Variants in ZNF599 observed in about 807,000 individuals in gnomAD.
The protein encoded by ZNF599 is zinc finger protein 599.
ZNF599 carries 10 observed loss-of-function variants against 11.7 expected under a neutral mutation model. The ratio of observed to expected loss-of-function variants is 0.86; its 90% confidence interval spans 0.53 to 1.45. The LOEUF is 1.45. Ranked by LOEUF, ZNF599 falls within the 40% of genes most tolerant of loss-of-function variation. ZNF599 has a pLI of 0.00. For missense variants in ZNF599, 688 were observed against 713.6 expected (o/e 0.96, Z 0.41); for synonymous variants, 232 against 253.2 (o/e 0.92, Z 0.79).
At chr19:34,785,794 T>A in the ZNF599 span, among the ~76,000 whole-genome samples, 3 of 152,122 alleles carry the variant, frequency 2.0e-5, no homozygotes, top group Non-Finnish European at 4.4e-5. Flanking sequence ...GTGGGGGGTG[T>A]GCCCTTGTCA....
intron 3 of ZNF599, chr19:34,762,847 TA>T (rs1353418650): frequency 6.6e-6 from 1 of 152,232 alleles, no homozygotes; most frequent in Non-Finnish European, 1.5e-5. Flanking sequence ...TAAATGGCAT[TA>T]TAAAAAGATA....
the ZNF599 span, among the ~76,000 whole-genome samples, chr19:34,793,733 A>G: frequency 8.5e-4 from 129 of 152,338 alleles, no homozygotes; most frequent in African/African-American, 3.0e-3. Context: ...TTAGAGCTAC[A>G]GAGGGCAGGA....
the ZNF599 span, among the ~76,000 whole-genome samples, chr19:34,797,167 T>C: frequency 6.6e-6 from 1 of 152,190 alleles, no homozygotes. Context: ...GGCTGCATAG[T>C]ATTCCATGGT....
the ZNF599 span, among the ~76,000 whole-genome samples, chr19:34,800,586 G>GTTTTTTTTTTTTT: frequency 5.2e-4 from 59 of 112,988 alleles, no homozygotes; most frequent in Admixed American, 7.8e-4. Flanking sequence ...CATTTCCTTT[G>GTTTTTTTTTTTTT]TTTTTTTTTT....
At chr19:34,763,283 G>A (rs1267340614) in intron 3 of ZNF599, 1 of 152,100 alleles carries the variant, frequency 6.6e-6, no homozygotes, top group Non-Finnish European at 1.5e-5. Context: ...AAAAAACCAG[G>A]ACACGCATTG....
intron 1 of ZNF599, chr19:34,772,530 A>C (rs1334133482): frequency 1.5e-6 from 2 of 1,330,178 alleles, no homozygotes; most frequent in African/African-American, 3.1e-5. Flanking sequence ...CCACAGAGAA[A>C]ATTACTGAGA....
intron 1 of ZNF599, among the ~76,000 whole-genome samples, chr19:34,771,011 G>A (rs893766425): frequency 2.0e-5 from 3 of 152,172 alleles, no homozygotes; most frequent in Non-Finnish European, 4.4e-5. Context: ...TGGGCACGTC[G>A]GCTCATGCCA....
At chr19:34,783,246 G>A in the ZNF599 span, among the ~76,000 whole-genome samples, 2 of 152,238 alleles carry the variant, frequency 1.3e-5, no homozygotes, top group Non-Finnish European at 2.9e-5. Flanking sequence ...GCCACGCCAT[G>A]CAGGGCTACA....
At position 34,758,835 on chromosome 19, in the gene ZNF599, C is replaced by G; in HGVS notation, c.*199G>C. On this transcript the variant is annotated 3_prime_UTR_variant, in exon 4 of 4. Transcript: ENST00000329285. Reference sequence around the variant, plus strand: ...AACTGGGTGAATCTTTAATATAATTCTTTGGATGACAAGTGATTACCTGCC... The same window carrying G: ...AACTGGGTGAATCTTTAATATAATTGTTTGGATGACAAGTGATTACCTGCC... The G allele has an allele frequency of 1.7e-6, 1 of 581,052 alleles. No individual in the cohort carries two copies. Among genetic ancestry groups the G allele is most frequent in the Non-Finnish European group, 3.0e-6 (1 of 335,992 alleles). 36.0% of individuals were successfully genotyped at this position (581,052 alleles called of 1,614,324 possible).
the ZNF599 span, among the ~76,000 whole-genome samples, chr19:34,794,717 T>A: frequency 6.6e-6 from 1 of 151,948 alleles, no homozygotes; most frequent in Non-Finnish European, 1.5e-5. Context: ...ATTACAAGCA[T>A]GCATCACTAT....
the ZNF599 span, among the ~76,000 whole-genome samples, chr19:34,781,204 AAAGG>A: frequency 6.6e-6 from 1 of 151,828 alleles, no homozygotes; most frequent in Non-Finnish European, 1.5e-5. Context: ...GAGAGAGAGA[AAAGG>A]AAGGAAGGAA....
chr19:34,792,645 C>T, the ZNF599 span, among the ~76,000 whole-genome samples: 6 of 152,044 alleles, frequency 3.9e-5, no homozygotes, highest in South Asian at 2.1e-4. Context: ...GGGCAGATCA[C>T]GAGGTCAGGA....
the ZNF599 span, among the ~76,000 whole-genome samples, chr19:34,785,823 A>G: frequency 1.3e-5 from 2 of 152,082 alleles, no homozygotes; most frequent in African/African-American, 4.8e-5. Flanking sequence ...TTGGAACAAT[A>G]TTTCCCAGGG....
chr19:34,796,416 T>G, the ZNF599 span, among the ~76,000 whole-genome samples: 1 of 151,716 alleles, frequency 6.6e-6, no homozygotes, highest in African/African-American at 2.4e-5. Context: ...GTTCAAGTGG[T>G]CCTCCTACCT....
the ZNF599 span, among the ~76,000 whole-genome samples, chr19:34,792,656 G>A: frequency 6.6e-6 from 1 of 152,128 alleles, no homozygotes; most frequent in East Asian, 1.9e-4. Flanking sequence ...GAGGTCAGGA[G>A]ATCGAGACCA....
the ZNF599 span, among the ~76,000 whole-genome samples, chr19:34,784,085 A>G: frequency 1.9e-3 from 284 of 152,346 alleles, no homozygotes; most frequent in African/African-American, 6.4e-3. Context: ...CTGACAGTCT[A>G]GAGCTAGAAG....
chr19:34,771,090 C>CA (rs1184890661), intron 1 of ZNF599, among the ~76,000 whole-genome samples: 1 of 152,116 alleles, frequency 6.6e-6, no homozygotes, highest in Non-Finnish European at 1.5e-5. Flanking sequence ...GCCTGGGCAA[C>CA]ACAGTGAGCC....
chr19:34,802,371 A>G, the ZNF599 span, among the ~76,000 whole-genome samples: 1 of 152,204 alleles, frequency 6.6e-6, no homozygotes, highest in Non-Finnish European at 1.5e-5. Flanking sequence ...CTCCTCTGCC[A>G]ATGGTTTTTG....
upstream of ZNF599, among the ~76,000 whole-genome samples, chr19:34,777,903 C>T (rs568825418): frequency 4.6e-5 from 7 of 152,032 alleles, no homozygotes; most frequent in South Asian, 1.2e-3. Context: ...CTGAACAACA[C>T]AGTGCCTGTA....
Sources: allele counts gnomAD v4.1 joint callset (sites outside exome capture counted in the v4.1 genomes callset), GRCh38; gene constraint gnomAD v4.1.1; transcripts MANE v1.5; gene names NCBI Gene and HGNC (gene_info 2026-07-23, HGNC 2026-07-21).